The following ARPC2 variants were observed in gnomAD, a reference collection of about 807,000 sequenced individuals.
The protein encoded by ARPC2 is actin related protein 2/3 complex subunit 2.
Under a neutral mutation model 38.6 loss-of-function variants are expected in ARPC2, and 4 were observed. The ratio of observed to expected loss-of-function variants is 0.10; its 90% CI spans 0.05 to 0.24. The LOEUF is 0.24. Among genes scored for constraint, ARPC2 ranks in the 10% least tolerant of loss-of-function variants. The pLI is 1.00. For synonymous variants in ARPC2, 125 were observed against 140.8 expected, an observed-to-expected ratio of 0.89 and a Z score of 0.79; for missense variants, 229 against 387.3, an observed-to-expected ratio of 0.59 and a Z score of 3.43.
At chr2:218,246,591 A>C (rs1046076459) in intron 8 of ARPC2, among the ~76,000 whole-genome samples, 2 of 152,256 alleles carry the variant, frequency 1.3e-5, no homozygotes, top group South Asian at 4.1e-4. Context: ...CTGTAATCCC[A>C]GCACTTTGGG....
At position 218,254,051 on chromosome 2, in the gene ARPC2, G is replaced by A; in HGVS notation, c.*136G>A. ...TTTTGGTTCCATTTTGTACACGTTTGGAAAATAATCTGCAGAAACGAGCTG... is the reference window on the plus strand; with the variant it reads ...TTTTGGTTCCATTTTGTACACGTTTAGAAAATAATCTGCAGAAACGAGCTG... On this transcript the variant is annotated 3_prime_UTR_variant, in exon 11 of 11. Transcript: ENST00000315717. 8.8e-7 allele frequency: 1 copy of A among 1,131,574 alleles called. No individual in the cohort carries two copies. Among genetic ancestry groups the A allele is most frequent in the Non-Finnish European group, 1.3e-6 (1 of 790,276 alleles). The allele number at this position is 1,131,574 out of a possible 1,614,324, so 70.1% of individuals were successfully genotyped here. A position where few individuals can be genotyped will look rare whatever the true frequency, so the allele number is the denominator to read the frequency against.
chr2:218,227,439 T>C lies in ARPC2; in HGVS notation c.110-1299T>C, dbSNP rs566406802. Among the ~76,000 whole-genome samples, 11 of 152,310 alleles carry C rather than the reference T, an allele frequency of 7.2e-5. No homozygotes were observed. The East Asian group carries it at 2.1e-3, about 29-fold the overall frequency. On this transcript the variant is annotated intron_variant, in intron 3 of 10. Coordinates refer to ENST00000315717, the MANE Select transcript of ARPC2 (RefSeq NM_152862.3). ...CTTGACTGAATATTTGTTTTGTTTTTTTGAGACTGAGTCTCACTCTGTCAC... is the reference window on the plus strand; with the variant it reads ...CTTGACTGAATATTTGTTTTGTTTTCTTGAGACTGAGTCTCACTCTGTCAC...
intron 10 of ARPC2, among the ~76,000 whole-genome samples, chr2:218,251,160 T>C (rs1483460338): frequency 6.6e-6 from 1 of 151,874 alleles, no homozygotes; most frequent in East Asian, 1.9e-4. Flanking sequence ...TCACAGCCAG[T>C]GTTATTTGCC....
chr2:218,247,908 A>T (rs1303371776), intron 8 of ARPC2, among the ~76,000 whole-genome samples: 1 of 151,252 alleles, frequency 6.6e-6, no homozygotes, highest in Non-Finnish European at 1.5e-5. Flanking sequence ...ACGCGACTGC[A>T]CTCCAGCCTG....
At chr2:218,218,490 A>C (rs1689311742) in intron 2 of ARPC2, among the ~76,000 whole-genome samples, 1 of 152,248 alleles carries the variant, frequency 6.6e-6, no homozygotes, top group Non-Finnish European at 1.5e-5. Context: ...TTTCTAGTAT[A>C]ATATTTAAAA....
chr2:218,223,331 G>A (rs930227588), intron 2 of ARPC2, among the ~76,000 whole-genome samples: 1 of 152,174 alleles, frequency 6.6e-6, no homozygotes, highest in Non-Finnish European at 1.5e-5. Context: ...TAGCTGTCTA[G>A]GTTATCAGAT....
At chr2:218,226,164 G>A (rs1306220719) in intron 3 of ARPC2, among the ~76,000 whole-genome samples, 1 of 151,970 alleles carries the variant, frequency 6.6e-6, no homozygotes, top group Non-Finnish European at 1.5e-5. Flanking sequence ...ATGGTGGTGG[G>A]CACCTGTAAT....
chr2:218,254,005 A>G lies in ARPC2; in HGVS notation c.*90A>G, dbSNP rs1186527712. 14 of 1,539,964 alleles carry G rather than the reference A, an allele frequency of 9.1e-6. No individual in the cohort carries two copies. The highest frequency in any genetic ancestry group is 1.3e-5 in the Non-Finnish European group (14 of 1,119,862). On this transcript the variant is annotated 3_prime_UTR_variant, in exon 11 of 11. Coordinates refer to ENST00000315717, the MANE Select transcript of ARPC2 (RefSeq NM_152862.3). ...GTAGCTTTTAATGTTGCGCCTCTTC[A>G]GGTTCTTAAGGGATTCTCCGTTTTG... is the stretch of plus-strand genomic sequence containing the variant.
intron 7 of ARPC2, among the ~76,000 whole-genome samples, chr2:218,242,782 T>A (rs577423528): frequency 3.3e-5 from 5 of 152,340 alleles, no homozygotes; most frequent in African/African-American, 1.2e-4. Flanking sequence ...GATTTTCTTA[T>A]GAAGTGTCTC....
chr2:218,220,419 T>C (rs1443511384), intron 2 of ARPC2, among the ~76,000 whole-genome samples: 1 of 152,228 alleles, frequency 6.6e-6, no homozygotes, highest in Non-Finnish European at 1.5e-5. Flanking sequence ...ACTAGCCACA[T>C]TTCTGGTGCT....
intron 4 of ARPC2, 42 bp downstream of exon 4, chr2:218,228,892 C>G: frequency 7.6e-7 from 1 of 1,317,590 alleles, no homozygotes; most frequent in Non-Finnish European, 1.1e-6. Context: ...TGTTTCCTCA[C>G]CTTTCATTGG....
chr2:218,232,224 G>C (rs1475047607), intron 4 of ARPC2, among the ~76,000 whole-genome samples: 3 of 151,958 alleles, frequency 2.0e-5, no homozygotes, highest in Non-Finnish European at 2.9e-5. Context: ...CTGGGTGACA[G>C]AGTGAGACTC....
chr2:218,245,610 A>G (rs1690013055), intron 8 of ARPC2, 64 bp downstream of exon 8: 8 of 1,591,182 alleles, frequency 5.0e-6, no homozygotes, highest in Admixed American at 1.7e-5. Context: ...GAATACCTAA[A>G]TCTGCACAGA....
At chr2:218,250,549 C>T (rs988573302) in intron 10 of ARPC2, among the ~76,000 whole-genome samples, 12 of 151,716 alleles carry the variant, frequency 7.9e-5, no homozygotes, top group African/African-American at 1.9e-4. Context: ...CCTGTAGTCC[C>T]GGCTACTCGG....
In ARPC2 at chr2:218,254,031, G is replaced by A. The variant is rs1690258823; in HGVS notation, c.*116G>A. ...GGTTCTTAAGGGATTCTCCGTTTTG[G>A]TTCCATTTTGTACACGTTTGGAAAA... On this transcript the variant is annotated 3_prime_UTR_variant, in exon 11 of 11. Coordinates refer to ENST00000315717, the MANE Select transcript of ARPC2 (RefSeq NM_152862.3). The A allele has an allele frequency of 1.4e-6, 2 of 1,401,154 alleles. No homozygotes were observed. Among genetic ancestry groups the A allele is most frequent in the South Asian group, 1.2e-5 (1 of 82,418 alleles). 86.8% of individuals were successfully genotyped at this position (1,401,154 alleles called of 1,614,324 possible).
intron 5 of ARPC2, chr2:218,235,405 GTAA>G: frequency 6.6e-6 from 1 of 152,554 alleles, no homozygotes; most frequent in South Asian, 2.1e-4. Flanking sequence ...CCAAAACAGA[GTAA>G]GGAGGTCTCA....
At chr2:218,221,660 G>A (rs1305276885) in intron 2 of ARPC2, among the ~76,000 whole-genome samples, 2 of 152,124 alleles carry the variant, frequency 1.3e-5, no homozygotes, top group African/African-American at 4.8e-5. Flanking sequence ...TCAGTAAATT[G>A]GTTTATTGAA....
chr2:218,225,314 G>A (rs1432605363), intron 2 of ARPC2, among the ~76,000 whole-genome samples: 1 of 152,140 alleles, frequency 6.6e-6, no homozygotes, highest in Non-Finnish European at 1.5e-5. Context: ...GTTCCGAGCT[G>A]GAATTTACAA....
At chr2:218,225,752 A>G (rs1689482212) in intron 2 of ARPC2, among the ~76,000 whole-genome samples, 168 bp from the exon 3 acceptor site, 1 of 152,228 alleles carries the variant, frequency 6.6e-6, no homozygotes, top group South Asian at 2.1e-4. Context: ...AAGCAAGTCC[A>G]AAGGTTCAGG....
Sources: allele counts gnomAD v4.1 joint callset (sites outside exome capture counted in the v4.1 genomes callset), GRCh38; gene constraint gnomAD v4.1.1; transcripts MANE v1.5; gene names NCBI Gene and HGNC (gene_info 2026-07-23, HGNC 2026-07-21).